The following ARAP1 variants were observed in gnomAD, a reference collection of about 807,000 sequenced individuals.
ARAP1 encodes the protein ArfGAP with RhoGAP domain, ankyrin repeat and PH domain 1, also known as arf-GAP with Rho-GAP domain, ANK repeat and PH domain-containing protein 1.
In ARAP1, 76 loss-of-function variants were observed where a neutral mutation model predicts 172.2. The observed-to-expected ratio is 0.44, with a 90% CI of 0.37 to 0.53. The LOEUF (loss-of-function observed/expected upper bound fraction) is 0.53. Ranked by LOEUF, ARAP1 falls within the 20% of genes least tolerant of loss-of-function variation. The probability of loss-of-function intolerance (pLI) is 0.00; values close to 1 mark genes in which losing one functional copy is unlikely to be tolerated. For synonymous variants in ARAP1, 804 were observed against 803.3 expected (o/e 1.00, Z -0.01); for missense variants, 1,686 against 1,977.5 (o/e 0.85, Z 2.80).
At chr11:72,697,236 A>G in intron 21 of ARAP1, 41 bp from the exon 22 acceptor site, 1 of 1,564,664 alleles carries the variant, frequency 6.4e-7, no homozygotes, top group East Asian at 2.3e-5. Context: ...CCTGAGGCAT[A>G]GAGTCATGGG....
In ARAP1 at chr11:72,726,792, C is replaced by G; in HGVS notation, c.337G>C (p.Ala113Pro). 6.4e-7 allele frequency: 1 copy of G among 1,551,100 alleles called. No individual in the cohort carries two copies. Among genetic ancestry groups the G allele is most frequent in the African/African-American group, 1.4e-5 (1 of 73,072 alleles). Residue 113 changes from alanine (A) to proline (P), a missense_variant, in exon 3 of 35, where the codon GCT becomes CCT. Around this residue, in one of 5 missense-constraint regions of ARAP1, gnomAD observed 190 missense variants for 228.6 expected, o/e 0.83. Transcript: ENST00000393609. The surrounding 1 kb of genome is among the most constrained non-coding windows in gnomAD (Gnocchi z 6.5). ...PTTTEDEGLP[A>P]APPIPPRRSC... is the part of the protein sequence containing the mutation. ...CTCCGGGGCGGGATGGGTGGGGCAG[C>G]GGGGAGCCCCTCATCCTCTGTAGTG...
chr11:72,710,400 G>A lies in ARAP1; in HGVS notation c.1401C>T (p.Leu467=), dbSNP rs1856961323. 5 of 1,614,022 alleles carry A rather than the reference G, an allele frequency of 3.1e-6. No individual in the cohort carries two copies. Among genetic ancestry groups the A allele is most frequent in the Non-Finnish European group, 4.2e-6 (5 of 1,179,962 alleles). The change falls in exon 10 of 35, where the codon CTC becomes CTT. Residue 467 remains leucine (L), a synonymous_variant. Coordinates refer to ENST00000393609, the MANE Select transcript of ARAP1 (RefSeq NM_001040118.3). The surrounding 1 kb of genome is among the most constrained non-coding windows in gnomAD (Gnocchi z 4.3). The stretch of plus-strand genomic sequence containing the variant: ...CCCTTAGCACCTCTAGATTCTTGTA[G>A]AGCTGCACTTTGTCCCCGACCACGG... ...YVAVVGDKVQ[L]YKNLEEYHLG... is the part of the protein sequence containing the mutation.
chr11:72,707,647 C>A (rs1055954724), intron 11 of ARAP1, among the ~76,000 whole-genome samples: 1 of 152,040 alleles, frequency 6.6e-6, no homozygotes, highest in Non-Finnish European at 1.5e-5. Flanking sequence ...AGCTAAGATT[C>A]GACAGATCAG....
At chr11:72,709,415 G>A (rs947960279) in intron 11 of ARAP1, among the ~76,000 whole-genome samples, 1 of 152,226 alleles carries the variant, frequency 6.6e-6, no homozygotes, top group African/African-American at 2.4e-5. Context: ...CTGGGAGTGG[G>A]CAAGGCTGCC....
At chr11:72,721,565 C>A (rs2135563679) in intron 3 of ARAP1, among the ~76,000 whole-genome samples, 1 of 152,180 alleles carries the variant, frequency 6.6e-6, no homozygotes, top group East Asian at 1.9e-4. Context: ...AAAACAGGCA[C>A]CGTGGGCTCC....
Position 72,695,318 on chromosome 11 carries a change from G to A in ARAP1, c.3576+69C>T, listed in dbSNP as rs552796689. ...CTCGGGGTAGAAGCACTGCTCCCCT[G>A]GCCATCTGAGCCTGTACCTGGCCCA... On this transcript the variant is annotated intron_variant, in intron 26 of 34. Coordinates refer to ENST00000393609, the MANE Select transcript of ARAP1 (RefSeq NM_001040118.3). The surrounding 1 kb of genome is among the most constrained non-coding windows in gnomAD (Gnocchi z 4.4). 1.9e-4 allele frequency: 309 copies of A among 1,595,328 alleles called. 1 individual carries two copies. In the South Asian group the frequency reaches 3.3e-3, roughly 17 times the overall value.
Position 72,695,108 on chromosome 11 carries a change from C to A in ARAP1, c.3577-11G>T, listed in dbSNP as rs754065307. The A allele has an allele frequency of 6.4e-5, 103 of 1,612,916 alleles. No homozygotes were observed. The Admixed American group carries it at 1.7e-3, about 26-fold the overall frequency. On this transcript the variant is annotated splice_polypyrimidine_tract_variant and intron_variant, in intron 26 of 34. Transcript: ENST00000393609. This position sits in a 1 kb window ranked among gnomAD's most constrained non-coding sequence, Gnocchi z 4.4. The stretch of plus-strand genomic sequence containing the variant: ...CATGGATGCTGGGACCTGCAAGGAC[C>A]AAGGAGGAGATTAGCCTGCCTGTGC...
At position 72,709,963 on chromosome 11, in the gene ARAP1, C is replaced by T. The variant is rs1856936201; in HGVS notation, c.1430G>A (p.Gly477Asp). 1 of 1,613,792 alleles carries T rather than the reference C, an allele frequency of 6.2e-7. No homozygotes were observed. Among genetic ancestry groups the T allele is most frequent in the Non-Finnish European group, 8.5e-7 (1 of 1,179,934 alleles). Residue 477 changes from glycine to aspartate, a missense_variant, in exon 11 of 35, where the codon GGC (glycine) becomes GAC (aspartate). By Grantham distance (94) the Gly-to-Asp change is moderately conservative. Transcript: ENST00000393609. ...CATGTCGATGAAGGTGATGCCAATGCCCAGGTGGTACTCCTGGAGGGCAGA... is the reference window on the plus strand; with the variant it reads ...CATGTCGATGAAGGTGATGCCAATGTCCAGGTGGTACTCCTGGAGGGCAGA... ...LYKNLEEYHL[G>D]IGITFIDMSV...
chr11:72,685,450 C>T lies in ARAP1; in HGVS notation c.*214G>A, dbSNP rs754388817. 43 of 629,540 alleles carry T rather than the reference C, an allele frequency of 6.8e-5. No individual in the cohort carries two copies. The highest frequency in any genetic ancestry group is 1.1e-4 in the Non-Finnish European group (39 of 361,416). The allele number at this position is 629,540 out of a possible 1,614,324, so 39.0% of individuals were successfully genotyped here. ...GGGCCAAGAGGTCTGAACACCTGGA[C>T]AGAGTTGGGAGAGGTTCCTGCCCAG... On this transcript the variant is annotated 3_prime_UTR_variant, in exon 35 of 35. Transcript: ENST00000393609.
Position 72,726,860 on chromosome 11 carries a change from C to A in ARAP1, c.269G>T (p.Arg90Leu). 6.4e-7 allele frequency: 1 copy of A among 1,558,188 alleles called. No homozygotes were observed. The highest frequency in any genetic ancestry group is 8.7e-7 in the Non-Finnish European group (1 of 1,152,250). Residue 90 changes from arginine to leucine, a missense_variant, in exon 3 of 35, where the codon CGC becomes CTC. Physicochemically the swap from Arg to Leu is moderately radical, Grantham distance 102 (BLOSUM62 -2). Coordinates refer to ENST00000393609, the MANE Select transcript of ARAP1 (RefSeq NM_001040118.3). The surrounding 1 kb of genome is among the most constrained non-coding windows in gnomAD (Gnocchi z 6.5). Reference protein sequence around the residue: ...RPVPMKRHIFRSPPVPATPPE... With the variant: ...RPVPMKRHIFLSPPVPATPPE... ...TGGAGTGGCAGGCACAGGTGGTGAGCGGAAGATGTGGCGCTTCATGGGCAC... is the reference window on the plus strand; with the variant it reads ...TGGAGTGGCAGGCACAGGTGGTGAGAGGAAGATGTGGCGCTTCATGGGCAC...
In ARAP1 at chr11:72,710,343, G is replaced by A; in HGVS notation, c.1416+42C>T. 6.2e-7 allele frequency: 1 copy of A among 1,608,102 alleles called. No individual in the cohort carries two copies. The highest frequency in any genetic ancestry group is 8.5e-7 in the Non-Finnish European group (1 of 1,175,378). On this transcript the variant is annotated intron_variant, in intron 10 of 34. Transcript: ENST00000393609. The surrounding 1 kb of genome is among the most constrained non-coding windows in gnomAD (Gnocchi z 4.3). ...CCCTAGGTCAGCCTGGGGCAGGGTA[G>A]GTGGACATGGGCAGGGGAGAGGTTC...
At chr11:72,736,968 C>G (rs1346446146) in intron 1 of ARAP1, among the ~76,000 whole-genome samples, 2 of 152,178 alleles carry the variant, frequency 1.3e-5, no homozygotes, top group Non-Finnish European at 2.9e-5. Context: ...AGGGAGCCCC[C>G]AAAGTTGTCT....
intron 3 of ARAP1, 126 bp from the exon 4 acceptor site, chr11:72,714,447 C>T: frequency 1.1e-6 from 1 of 920,198 alleles, no homozygotes; most frequent in Non-Finnish European, 1.6e-6. Context: ...GACAGGAGCC[C>T]TCCTGCACAC....
chr11:72,708,834 C>T (rs1856882915), intron 11 of ARAP1, among the ~76,000 whole-genome samples: 1 of 152,138 alleles, frequency 6.6e-6, no homozygotes, highest in Non-Finnish European at 1.5e-5. Flanking sequence ...GTCAGGAGTT[C>T]GAGACCAGCC....
chr11:72,731,585 CT>C (rs558272675), intron 2 of ARAP1, among the ~76,000 whole-genome samples: 2 of 152,228 alleles, frequency 1.3e-5, no homozygotes, highest in Non-Finnish European at 2.9e-5. Flanking sequence ...AAATACACCT[CT>C]TTTCTTTATA....
At position 72,698,122 on chromosome 11, in the gene ARAP1, CG is replaced by C; in HGVS notation, c.2542-17del. On this transcript the variant is annotated splice_polypyrimidine_tract_variant and intron_variant, in intron 18 of 34. Transcript: ENST00000393609. ...GCACGAATGCCTGGCAGAGAGGCGCCGGGGGAGACAGCATCAGCCAACGGCA... is the reference window on the plus strand; with the variant it reads ...GCACGAATGCCTGGCAGAGAGGCGCCGGGGAGACAGCATCAGCCAACGGCA... 6.4e-7 allele frequency: 1 copy of C among 1,571,728 alleles called. No individual in the cohort carries two copies. Among genetic ancestry groups the C allele is most frequent in the Non-Finnish European group, 8.6e-7 (1 of 1,158,860 alleles).
At chr11:72,708,725 G>A (rs920150986) in intron 11 of ARAP1, among the ~76,000 whole-genome samples, 12 of 152,208 alleles carry the variant, frequency 7.9e-5, no homozygotes, top group African/African-American at 2.9e-4. Context: ...CAGAGGGATG[G>A]GGCCAGATGG....
At chr11:72,703,655 G>A (rs143263018) in intron 14 of ARAP1, among the ~76,000 whole-genome samples, 15 of 152,294 alleles carry the variant, frequency 9.8e-5, no homozygotes, top group African/African-American at 3.6e-4. Context: ...GGTCACAAAT[G>A]GCATACCCCT....
chr11:72,697,170 G>C lies in ARAP1; in HGVS notation c.2979C>G (p.Arg993=). 1 of 1,603,142 alleles carries C rather than the reference G, an allele frequency of 6.2e-7. No homozygotes were observed. Among genetic ancestry groups the C allele is most frequent in the East Asian group, 2.2e-5 (1 of 44,850 alleles). Reference sequence around the variant, plus strand: ...GTGTCTTCGATGTCTGCCCACACTTGCGGTAGATGCCCTCGGAGGTCAGGC... The same window carrying C: ...GTGTCTTCGATGTCTGCCCACACTTCCGGTAGATGCCCTCGGAGGTCAGGC... ...QCGLTSEGIY[R]KCGQTSKTQR... is the part of the protein sequence containing the mutation. The change falls in exon 22 of 35, where the codon CGC becomes CGG. Residue 993 remains arginine, a synonymous_variant. Coordinates refer to ENST00000393609, the MANE Select transcript of ARAP1 (RefSeq NM_001040118.3).
Sources: allele counts gnomAD v4.1 joint callset (sites outside exome capture counted in the v4.1 genomes callset), GRCh38; gene constraint gnomAD v4.1.1; regional missense constraint gnomAD v4.1.1; non-coding constraint Gnocchi (gnomAD v3.1); transcripts MANE v1.5; gene names NCBI Gene and HGNC (gene_info 2026-07-23, HGNC 2026-07-21).